The following DPYD variants were observed in gnomAD, a reference collection of about 807,000 sequenced individuals.
DPYD encodes the protein dihydropyrimidine dehydrogenase.
Under a neutral mutation model 116.2 loss-of-function variants are expected in DPYD, and 109 were observed. That is an observed-to-expected ratio of 0.94 (90% CI 0.80 to 1.10). The LOEUF is 1.10. DPYD is among the 50% of genes least tolerant of loss of function. The pLI is 0.00. For synonymous variants in DPYD, 440 were observed against 432.0 expected, an observed-to-expected ratio of 1.02 and a Z score of -0.23; for missense variants, 1,302 against 1,254.5, an observed-to-expected ratio of 1.04 and a Z score of -0.57.
intron 8 of DPYD, 86 bp downstream of exon 8, chr1:97,679,009 T>G: frequency 3.4e-6 from 2 of 593,552 alleles, no homozygotes; most frequent in Non-Finnish European, 5.7e-6. Context: ...ATCACGAAAA[T>G]GTCTGAAGGC....
intron 8 of DPYD, among the ~76,000 whole-genome samples, chr1:97,661,699 G>C (rs1175522514): frequency 6.6e-6 from 1 of 151,984 alleles, no homozygotes; most frequent in Non-Finnish European, 1.5e-5. Flanking sequence ...GTAAGAAAAA[G>C]GGAATGAATT....
intron 16 of DPYD, among the ~76,000 whole-genome samples, chr1:97,310,014 T>C (rs1370221071): frequency 1.3e-5 from 2 of 151,724 alleles, no homozygotes; most frequent in African/African-American, 4.8e-5. Context: ...GAATAAGCAC[T>C]ACAGAATGAG....
intron 16 of DPYD, among the ~76,000 whole-genome samples, chr1:97,360,269 C>T (rs904777809): frequency 2.6e-5 from 4 of 152,112 alleles, no homozygotes; most frequent in Non-Finnish European, 5.9e-5. Context: ...AATATGCACC[C>T]AATACAGGAG....
At chr1:97,492,183 T>C (rs996557214) in intron 13 of DPYD, among the ~76,000 whole-genome samples, 3 of 152,142 alleles carry the variant, frequency 2.0e-5, no homozygotes, top group East Asian at 1.9e-4. Context: ...CAAGCCCTCA[T>C]TGACTTCAAT....
intron 5 of DPYD, among the ~76,000 whole-genome samples, chr1:97,713,159 T>C (rs1162146479): frequency 3.9e-5 from 6 of 152,158 alleles, no homozygotes; most frequent in Non-Finnish European, 8.8e-5. Context: ...AAGTGATTCA[T>C]GTTGATACAA....
At chr1:97,474,090 G>A (rs1677813306) in intron 13 of DPYD, among the ~76,000 whole-genome samples, 1 of 151,074 alleles carries the variant, frequency 6.6e-6, no homozygotes, top group Non-Finnish European at 1.5e-5. Context: ...TTAAAAATAG[G>A]TTACCGTATG....
chr1:97,548,423 A>G (rs925287548), intron 12 of DPYD, among the ~76,000 whole-genome samples: 5 of 152,176 alleles, frequency 3.3e-5, no homozygotes, highest in African/African-American at 1.2e-4. Context: ...AAATTGTTAA[A>G]AACTAAATTG....
chr1:97,914,307 A>G (rs188584704), intron 1 of DPYD, among the ~76,000 whole-genome samples: 1 of 152,152 alleles, frequency 6.6e-6, no homozygotes, highest in Non-Finnish European at 1.5e-5. Flanking sequence ...CAGTGTGTTT[A>G]GGGATGCTTA....
chr1:97,210,561 T>C (rs1217695438), intron 19 of DPYD, among the ~76,000 whole-genome samples: 7 of 152,254 alleles, frequency 4.6e-5, no homozygotes, highest in Non-Finnish European at 7.4e-5. Context: ...CTAATATTAT[T>C]TCAATTACTA....
intron 1 of DPYD, among the ~76,000 whole-genome samples, chr1:97,890,266 G>A (rs572267276): frequency 1.5e-4 from 23 of 152,006 alleles, no homozygotes; most frequent in African/African-American, 5.5e-4. Flanking sequence ...TTTGTGAACT[G>A]TATATCAATA....
intron 13 of DPYD, among the ~76,000 whole-genome samples, chr1:97,498,609 C>T (rs1679404189): frequency 6.6e-6 from 1 of 151,298 alleles, no homozygotes; most frequent in Admixed American, 6.6e-5. Flanking sequence ...CTTGTGATGG[C>T]TATATATTAA....
rs911770075 is a variant in DPYD, at chr1:97,546,820, T to C, written c.1524+2740A>G. On this transcript the variant is annotated intron_variant, in intron 12 of 22. Coordinates refer to ENST00000370192, the MANE Select transcript of DPYD (RefSeq NM_000110.4). The stretch of plus-strand genomic sequence containing the variant: ...TTTGGATCAGATTAAACCATTGAAG[T>C]TGGAAGTTCATGAGGCCAAGCCTGT... The C allele has an allele frequency of 4.3e-6, 7 of 1,612,640 alleles. No individual in the cohort carries two copies. In the African/African-American group the frequency reaches 5.3e-5, roughly 12 times the overall value.
intron 16 of DPYD, among the ~76,000 whole-genome samples, chr1:97,344,447 G>A (rs932118412): frequency 1.3e-5 from 2 of 151,634 alleles, no homozygotes. Flanking sequence ...AGTACCAGAG[G>A]TTCTAAACAC....
chr1:97,711,049 A>T (rs2101001537), intron 5 of DPYD, among the ~76,000 whole-genome samples: 1 of 152,026 alleles, frequency 6.6e-6, no homozygotes, highest in Admixed American at 6.6e-5. Context: ...ACTTCTTGTG[A>T]TGAATGCCTT....
At position 97,136,375 on chromosome 1, in the gene DPYD, T is replaced by G. The variant is rs148037228; in HGVS notation, c.2623-37743A>C. 5.0e-3 allele frequency among the ~76,000 whole-genome samples: 766 copies of G among 152,292 alleles called. 10 individuals carry two copies. Among genetic ancestry groups the G allele is most frequent in the African/African-American group, 0.017 (722 of 41,558 alleles). On this transcript the variant is annotated intron_variant, in intron 20 of 22. Coordinates refer to ENST00000370192, the MANE Select transcript of DPYD (RefSeq NM_000110.4). ...GTCAGTACTGTTATTATTCCTGTTT[T>G]AAAGACGAGAAAATGAGAGGCATGT...
chr1:97,430,935 GA>G (rs1052949737), intron 14 of DPYD, among the ~76,000 whole-genome samples: 3 of 150,042 alleles, frequency 2.0e-5, no homozygotes, highest in African/African-American at 2.4e-5. Context: ...AGTTCAGAAG[GA>G]AAAAAAAAAT....
chr1:97,723,644 A>T (rs971416237), intron 4 of DPYD, among the ~76,000 whole-genome samples: 4 of 151,596 alleles, frequency 2.6e-5, no homozygotes, highest in Admixed American at 1.3e-4. Flanking sequence ...TAATCAAGAG[A>T]TTAGGATCTG....
chr1:97,448,282 A>C (rs1676203143), intron 14 of DPYD, among the ~76,000 whole-genome samples: 1 of 152,212 alleles, frequency 6.6e-6, no homozygotes, highest in Admixed American at 6.5e-5. Flanking sequence ...GAACAGAAGC[A>C]TGGATGGTAA....
At chr1:97,494,902 C>T (rs1239963564) in intron 13 of DPYD, among the ~76,000 whole-genome samples, 2 of 152,082 alleles carry the variant, frequency 1.3e-5, no homozygotes, top group Non-Finnish European at 2.9e-5. Context: ...TCTTCAGATA[C>T]GAGCACAATG....
Sources: allele counts gnomAD v4.1 joint callset (sites outside exome capture counted in the v4.1 genomes callset), GRCh38; gene constraint gnomAD v4.1.1; transcripts MANE v1.5; gene names NCBI Gene and HGNC (gene_info 2026-07-23, HGNC 2026-07-21).